The following RBM20 variants were observed in gnomAD, a reference collection of about 807,000 sequenced individuals.
RBM20 encodes the protein RNA-binding protein 20.
In RBM20, 51 loss-of-function variants were observed where a neutral mutation model predicts 110.1. The observed-to-expected ratio is 0.46, with a 90% CI of 0.37 to 0.59. The LOEUF (loss-of-function observed/expected upper bound fraction) is 0.59. RBM20 is among the 20% of genes least tolerant of loss of function. The pLI is 0.00. For missense variants in RBM20, 1,512 were observed against 1,574.9 expected (o/e 0.96, Z 0.68); for synonymous variants, 589 against 618.2 (o/e 0.95, Z 0.70).
intron 5 of RBM20, among the ~76,000 whole-genome samples, chr10:110,793,418 A>T (rs1319995500): frequency 1.3e-5 from 2 of 152,248 alleles, no homozygotes; most frequent in African/African-American, 4.8e-5. Context: ...GAGACACACC[A>T]ATTAGACTTT....
intron 9 of RBM20, 118 bp downstream of exon 9, chr10:110,813,065 T>C (rs1196893590): frequency 1.3e-6 from 1 of 746,984 alleles, no homozygotes; most frequent in South Asian, 2.2e-5. Flanking sequence ...CTATTTACTA[T>C]GCGCTAGGCA....
chr10:110,788,582 T>A (rs1200872012), intron 5 of RBM20, among the ~76,000 whole-genome samples: 1 of 152,150 alleles, frequency 6.6e-6, no homozygotes, highest in Non-Finnish European at 1.5e-5. Flanking sequence ...CAGACGCTGG[T>A]CCCCCGGTTT....
intron 1 of RBM20, among the ~76,000 whole-genome samples, chr10:110,763,260 C>A (rs1440349999): frequency 2.0e-5 from 3 of 151,920 alleles, no homozygotes; most frequent in East Asian, 1.9e-4. Context: ...TGAATTCAGT[C>A]CCAGCAGGAG....
At chr10:110,665,799 G>C (rs1465941855) in intron 1 of RBM20, among the ~76,000 whole-genome samples, 1 of 152,116 alleles carries the variant, frequency 6.6e-6, no homozygotes, top group Non-Finnish European at 1.5e-5. Flanking sequence ...ATTTATAGCT[G>C]TGGTAATGGT....
intron 6 of RBM20, among the ~76,000 whole-genome samples, chr10:110,798,239 G>A (rs74853168): frequency 0.1 from 15,757 of 152,208 alleles, 899 homozygotes; most frequent in Non-Finnish European, 0.12. Context: ...CTAAAGTCAG[G>A]TGGGGAGTTT....
rs183341344 is a variant in RBM20 at position 110,767,578 on chromosome 10, G to A, written c.192-13223G>A. Among the ~76,000 whole-genome samples, 3 of 151,140 alleles carry A rather than the reference G, an allele frequency of 2.0e-5. No individual in the cohort carries two copies. The East Asian group carries it at 5.9e-4, about 30-fold the overall frequency. On this transcript the variant is annotated intron_variant, in intron 1 of 13. Transcript: ENST00000369519. ...GGGCTCCTCACTTCTCAGACGGGGC[G>A]GTTGCCAGACGGAGGGTCTCCTCGC...
chr10:110,794,834 T>A (rs889673070), intron 5 of RBM20, among the ~76,000 whole-genome samples: 22 of 152,260 alleles, frequency 1.4e-4, no homozygotes, highest in Non-Finnish European at 2.8e-4. Flanking sequence ...GCTTCTCTTC[T>A]TTGGTGACTG....
At chr10:110,648,799 T>A (rs2134800911) in intron 1 of RBM20, among the ~76,000 whole-genome samples, 1 of 152,204 alleles carries the variant, frequency 6.6e-6, no homozygotes, top group East Asian at 1.9e-4. Context: ...AAAAAGAAAT[T>A]TTGCTTGAGG....
At chr10:110,680,244 A>T (rs1862403544) in intron 1 of RBM20, among the ~76,000 whole-genome samples, 1 of 151,880 alleles carries the variant, frequency 6.6e-6, no homozygotes. Flanking sequence ...TGCTCCTTGG[A>T]TGTGTTGCCT....
chr10:110,762,937 G>A (rs771482601), intron 1 of RBM20, among the ~76,000 whole-genome samples: 16 of 152,226 alleles, frequency 1.1e-4, no homozygotes, highest in Non-Finnish European at 1.9e-4. Flanking sequence ...AGTAGACCAT[G>A]GGAAGGACTC....
chr10:110,829,893 G>T (rs1032305278), intron 12 of RBM20, among the ~76,000 whole-genome samples: 1 of 152,156 alleles, frequency 6.6e-6, no homozygotes, highest in African/African-American at 2.4e-5. Context: ...CCATTGCCCA[G>T]CCCCAGCAGA....
In RBM20 at chr10:110,812,751, A is replaced by G. The variant is rs1383615338; in HGVS notation, c.2354A>G (p.Lys785Arg). The G allele has an allele frequency of 6.4e-7, 1 of 1,551,756 alleles. No individual in the cohort carries two copies. Among genetic ancestry groups the G allele is most frequent in the East Asian group, 2.4e-5 (1 of 40,908 alleles). Residue 785 changes from lysine to arginine, a missense_variant, in exon 9 of 14, where the codon AAA becomes AGA. Lys to Arg is a conservative substitution (Grantham distance 26). Transcript: ENST00000369519. ...GATGCCCCCGGGAGGTCCAGGAGGA[A>G]AGACGAGGCCAGGCTGCGGGAAAGC... ...QQDAPGRSRR[K>R]DEARLRESRH...
At chr10:110,803,107 C>T (rs897385110) in intron 7 of RBM20, among the ~76,000 whole-genome samples, 18 of 152,070 alleles carry the variant, frequency 1.2e-4, no homozygotes, top group African/African-American at 3.9e-4. Context: ...AATTGAGTCC[C>T]GGTACTCTGG....
At chr10:110,696,527 CAGAAACTCCA>C (rs1862666504) in intron 1 of RBM20, among the ~76,000 whole-genome samples, 1 of 152,184 alleles carries the variant, frequency 6.6e-6, no homozygotes, top group Admixed American at 6.5e-5. Flanking sequence ...CCCAGGACCT[CAGAAACTCCA>C]AGGGTGGCAG....
intron 1 of RBM20, among the ~76,000 whole-genome samples, chr10:110,738,715 G>A (rs574741314): frequency 6.6e-6 from 1 of 152,148 alleles, no homozygotes; most frequent in Non-Finnish European, 1.5e-5. Flanking sequence ...CGGTGAGGGA[G>A]AAGCTTCCCA....
intron 1 of RBM20, among the ~76,000 whole-genome samples, chr10:110,662,929 A>T (rs530895210): frequency 7.2e-5 from 11 of 152,032 alleles, no homozygotes; most frequent in African/African-American, 2.4e-4. Flanking sequence ...TGAAGCAAAT[A>T]CAAATATATA....
chr10:110,718,820 TG>T (rs1843468494), intron 1 of RBM20, among the ~76,000 whole-genome samples: 1 of 152,110 alleles, frequency 6.6e-6, no homozygotes, highest in East Asian at 1.9e-4. Context: ...TTCACCATGT[TG>T]GCCAGGCTGG....
At chr10:110,697,272 A>G (rs1043758705) in intron 1 of RBM20, among the ~76,000 whole-genome samples, 1 of 152,236 alleles carries the variant, frequency 6.6e-6, no homozygotes, top group Admixed American at 6.5e-5. Context: ...ATGGGTGTCC[A>G]TGCGTCAGTA....
intron 1 of RBM20, among the ~76,000 whole-genome samples, chr10:110,672,228 G>A (rs2419569): frequency 0.026 from 4,032 of 152,160 alleles, 151 homozygotes; most frequent in African/African-American, 0.088. Flanking sequence ...CGCCGCGGGT[G>A]GGGGCAGTGG....
Sources: gnomAD v4.1 joint callset for allele counts (sites outside exome capture counted in the v4.1 genomes callset) on GRCh38, gnomAD v4.1.1 for gene constraint, MANE v1.5 for transcripts, NCBI Gene and HGNC (gene_info 2026-07-23, HGNC 2026-07-21) for gene names.